ZMAT3: variants seen among roughly 807,000 people sequenced by gnomAD.
ZMAT3 encodes zinc finger matrin-type protein 3.
In ZMAT3, 17 loss-of-function variants were observed where a neutral mutation model predicts 32.3. The ratio of observed to expected loss-of-function variants is 0.53; its 90% CI spans 0.36 to 0.79. The LOEUF (loss-of-function observed/expected upper bound fraction) is 0.79, where lower values mean the gene tolerates loss of function less well. Among genes scored for constraint, ZMAT3 ranks in the 30% least tolerant of loss-of-function variants. ZMAT3 has a pLI of 0.00. For synonymous variants in ZMAT3, 120 were observed against 133.1 expected (o/e 0.90, Z 0.68); for missense variants, 329 against 359.7 (o/e 0.91, Z 0.69).
chr3:179,050,355 T>C (rs1401354407), intron 2 of ZMAT3, among the ~76,000 whole-genome samples: 1 of 152,016 alleles, frequency 6.6e-6, no homozygotes, highest in Non-Finnish European at 1.5e-5. Flanking sequence ...CACCTTTATG[T>C]GCATAAACTA....
At chr3:179,053,235 A>G (rs1441856638) in intron 2 of ZMAT3, among the ~76,000 whole-genome samples, 1 of 150,400 alleles carries the variant, frequency 6.6e-6, no homozygotes, top group East Asian at 1.9e-4. Flanking sequence ...CTATAGATAT[A>G]AAATATATCT....
In ZMAT3 at chr3:179,067,639, AG is replaced by A. The variant is rs751140834; in HGVS notation, c.113del (p.Pro38LeufsTer42). 4 of 1,614,082 alleles carry A rather than the reference AG, an allele frequency of 2.5e-6. No individual in the cohort carries two copies. In the Admixed American group the frequency reaches 6.7e-5, roughly 27 times the overall value. ...TGTLQLPPQK[P>X]FGQEASLPLA... ...GAGGCAAGGAAGCCTCCTGCCCAAA[AG>A]GCTTCTGTGGTGGAAGCTGCAAGGT... On this transcript the variant is annotated frameshift_variant, in exon 2 of 6. Coordinates refer to ENST00000311417, the MANE Select transcript of ZMAT3 (RefSeq NM_022470.4). LOFTEE classifies it high-confidence loss of function.
intron 2 of ZMAT3, among the ~76,000 whole-genome samples, chr3:179,040,354 G>A (rs1719850513): frequency 6.6e-6 from 1 of 152,184 alleles, no homozygotes; most frequent in East Asian, 1.9e-4. Flanking sequence ...TACCCACAAA[G>A]GGAAACCCAT....
chr3:179,051,152 GA>G (rs1335636852), intron 2 of ZMAT3, among the ~76,000 whole-genome samples: 1 of 152,094 alleles, frequency 6.6e-6, no homozygotes, highest in Non-Finnish European at 1.5e-5. Flanking sequence ...TCAGACAAGA[GA>G]AAGAAATAAA....
intron 2 of ZMAT3, among the ~76,000 whole-genome samples, chr3:179,058,995 A>T (rs1472997377): frequency 6.6e-6 from 1 of 152,186 alleles, no homozygotes; most frequent in Non-Finnish European, 1.5e-5. Context: ...ATGCAGAGAA[A>T]GGGAATTCCT....
In ZMAT3 at chr3:179,067,411, G is replaced by A. The variant is rs1037753376; in HGVS notation, c.270+72C>T. ...TTCCAGGCACAGTCATATCTGGAGAGACAACTGCTAAATAGCCAGAGCCCT... is the reference window on the plus strand; with the variant it reads ...TTCCAGGCACAGTCATATCTGGAGAAACAACTGCTAAATAGCCAGAGCCCT... On this transcript the variant is annotated intron_variant, in intron 2 of 5. Transcript: ENST00000311417. 3 of 1,517,884 alleles carry A rather than the reference G, an allele frequency of 2.0e-6. No homozygotes were observed. In the African/African-American group the frequency reaches 4.1e-5, roughly 21 times the overall value. The allele number at this position is 1,517,884 out of a possible 1,614,324, so 94.0% of individuals were successfully genotyped here.
At chr3:179,058,316 C>T (rs1720959370) in intron 2 of ZMAT3, among the ~76,000 whole-genome samples, 1 of 152,234 alleles carries the variant, frequency 6.6e-6, no homozygotes, top group Non-Finnish European at 1.5e-5. Flanking sequence ...TCAACCCAGC[C>T]ACATTTCTTC....
intron 3 of ZMAT3, among the ~76,000 whole-genome samples, chr3:179,029,159 CAAAA>C (rs1177755757): frequency 9.2e-6 from 1 of 108,238 alleles, no homozygotes; most frequent in Admixed American, 9.7e-5. Context: ...AACTCCATCT[CAAAA>C]AAAAAAAAAA....
At chr3:179,039,231 C>T (rs1186656779) in intron 2 of ZMAT3, among the ~76,000 whole-genome samples, 1 of 152,198 alleles carries the variant, frequency 6.6e-6, no homozygotes, top group African/African-American at 2.4e-5. Context: ...GGTGTTTGAG[C>T]TCTGAGAATG....
chr3:179,033,024 T>C (rs1015071708), intron 2 of ZMAT3, among the ~76,000 whole-genome samples: 32 of 152,340 alleles, frequency 2.1e-4, no homozygotes, highest in Non-Finnish European at 4.1e-4. Context: ...ACGATGACGA[T>C]GGCGGTTTTG....
At position 179,019,054 on chromosome 3, in the gene ZMAT3, T is replaced by A. The variant is rs1718412792; in HGVS notation, c.*5963A>T. 6.6e-6 allele frequency: 1 copy of A among 152,110 alleles called. No homozygotes were observed. Among genetic ancestry groups the A allele is most frequent in the East Asian group, 1.9e-4 (1 of 5,192 alleles). The allele number at this position is 152,110 out of a possible 1,614,324, so 9.4% of individuals were successfully genotyped here. ...TGAAATGAGGTATTCGCTGATTTCATAAACCCCAATCAGTAATTTACAGTT... is the reference window on the plus strand; with the variant it reads ...TGAAATGAGGTATTCGCTGATTTCAAAAACCCCAATCAGTAATTTACAGTT... On this transcript the variant is annotated 3_prime_UTR_variant, in exon 6 of 6. Coordinates refer to ENST00000311417, the MANE Select transcript of ZMAT3 (RefSeq NM_022470.4).
chr3:179,055,917 A>C (rs912217815), intron 2 of ZMAT3, among the ~76,000 whole-genome samples: 5 of 152,230 alleles, frequency 3.3e-5, no homozygotes, highest in Admixed American at 6.5e-5. Context: ...GCCAGCAGGC[A>C]GTTCCCAGTG....
In ZMAT3 at chr3:179,065,872, C is replaced by CT. The variant is rs748140694; in HGVS notation, c.270+1610dup. Among the ~76,000 whole-genome samples, 4 of 152,182 alleles carry CT rather than the reference C, an allele frequency of 2.6e-5. No individual in the cohort carries two copies. In the East Asian group the frequency reaches 7.7e-4, roughly 29 times the overall value. On this transcript the variant is annotated intron_variant, in intron 2 of 5. Transcript: ENST00000311417. ...AGTGAGCCAAGATCGCGCCACTGCA[C>CT]TCCAGCCTGGGCAACAGAGCGAGAC...
rs1366509086 is a variant in ZMAT3 at position 179,018,299 on chromosome 3, T to A, written c.*6718A>T. On this transcript the variant is annotated 3_prime_UTR_variant, in exon 6 of 6. Coordinates refer to ENST00000311417, the MANE Select transcript of ZMAT3 (RefSeq NM_022470.4). The stretch of plus-strand genomic sequence containing the variant: ...GCACTTACAAAGACTTATAAATGAA[T>A]CATGAAGGTCATCAAAATGCAAAAA... 2 of 152,120 alleles carry A rather than the reference T, an allele frequency of 1.3e-5. No homozygotes were observed. The highest frequency in any genetic ancestry group is 2.9e-5 in the Non-Finnish European group (2 of 68,006). 9.4% of individuals were successfully genotyped at this position (152,120 alleles called of 1,614,324 possible).
intron 2 of ZMAT3, among the ~76,000 whole-genome samples, chr3:179,056,321 T>TG (rs1176538877): frequency 7.1e-6 from 1 of 141,646 alleles, no homozygotes; most frequent in Non-Finnish European, 1.6e-5. Flanking sequence ...ACAAACGGGA[T>TG]AAAAAAAAAA....
intron 3 of ZMAT3, among the ~76,000 whole-genome samples, chr3:179,028,288 A>G (rs1718988790): frequency 6.6e-6 from 1 of 152,220 alleles, no homozygotes; most frequent in Non-Finnish European, 1.5e-5. Context: ...AACTAGCTAC[A>G]GATATAATCC....
At chr3:179,066,978 C>T (rs1419898168) in intron 2 of ZMAT3, among the ~76,000 whole-genome samples, 1 of 152,136 alleles carries the variant, frequency 6.6e-6, no homozygotes, top group Non-Finnish European at 1.5e-5. Flanking sequence ...TTTTCCTTAC[C>T]AGTGATAGGA....
chr3:179,060,706 G>T (rs1225765252), intron 2 of ZMAT3, among the ~76,000 whole-genome samples: 2 of 152,066 alleles, frequency 1.3e-5, no homozygotes, highest in Admixed American at 1.3e-4. Context: ...AAACTGAAAG[G>T]ATCTACTAGT....
At chr3:179,050,296 T>C (rs1576863378) in intron 2 of ZMAT3, among the ~76,000 whole-genome samples, 1 of 151,966 alleles carries the variant, frequency 6.6e-6, no homozygotes, top group East Asian at 1.9e-4. Flanking sequence ...TGGGAGATAT[T>C]ACAACAAATA....
Sources: gnomAD v4.1 joint callset for allele counts (sites outside exome capture counted in the v4.1 genomes callset) on GRCh38, gnomAD v4.1.1 for gene constraint, MANE v1.5 for transcripts, NCBI Gene and HGNC (gene_info 2026-07-23, HGNC 2026-07-21) for gene names.